Variants in SCUBE2 observed in about 807,000 individuals in gnomAD.
The protein encoded by SCUBE2 is signal peptide, CUB domain and EGF like domain containing 2, also known as signal peptide, CUB and EGF-like domain-containing protein 2.
Under a neutral mutation model 125.9 loss-of-function variants are expected in SCUBE2, and 114 were observed. The ratio of observed to expected loss-of-function variants is 0.91; its 90% CI spans 0.78 to 1.06. The LOEUF (loss-of-function observed/expected upper bound fraction) is 1.06, where lower values mean the gene tolerates loss of function less well. Among genes scored for constraint, SCUBE2 ranks in the 50% least tolerant of loss-of-function variants. SCUBE2 has a pLI of 0.00. For missense variants in SCUBE2, 1,255 were observed against 1,301.8 expected (o/e 0.96, Z 0.55); for synonymous variants, 459 against 492.9 (o/e 0.93, Z 0.91).
At chr11:9,083,163 G>A (rs1861779649) in intron 2 of SCUBE2, among the ~76,000 whole-genome samples, 1 of 151,730 alleles carries the variant, frequency 6.6e-6, no homozygotes, top group African/African-American at 2.4e-5. Flanking sequence ...ACATGTTTAA[G>A]GAATAAGGGA....
chr11:9,030,061 G>C lies in SCUBE2; in HGVS notation c.2342-16C>G, dbSNP rs533889121. 1 of 1,600,726 alleles carries C rather than the reference G, an allele frequency of 6.2e-7. No homozygotes were observed. The highest frequency in any genetic ancestry group is 2.2e-5 in the East Asian group (1 of 44,644). ...GAACATTGAACTGTGGGTCAAGGGAGGGTGAAAAGAATGAAAAAAAGAAAG... is the reference window on the plus strand; with the variant it reads ...GAACATTGAACTGTGGGTCAAGGGACGGTGAAAAGAATGAAAAAAAGAAAG... On this transcript the variant is annotated splice_polypyrimidine_tract_variant and intron_variant, in intron 18 of 22. Coordinates refer to ENST00000649792, the MANE Select transcript of SCUBE2 (RefSeq NM_001367977.2).
In SCUBE2 at chr11:9,047,366, T is replaced by A. The variant is rs927000148; in HGVS notation, c.1992A>T (p.Glu664Asp). 13 of 1,614,054 alleles carry A rather than the reference T, an allele frequency of 8.1e-6. No homozygotes were observed. Among genetic ancestry groups the A allele is most frequent in the Non-Finnish European group, 1.1e-5 (13 of 1,180,042 alleles). ...TCCCAGGCCACTCACCACATTGGTTTTCTGCATGACCCTGGCCCACTCCAC... is the reference window on the plus strand; with the variant it reads ...TCCCAGGCCACTCACCACATTGGTTATCTGCATGACCCTGGCCCACTCCAC... ...ESCGVGQGHA[E>D]NQCVSCRAGT... The change falls in exon 16 of 23, where the codon GAA becomes GAT. Residue 664 changes from glutamate (E) to aspartate (D), a missense_variant. Coordinates refer to ENST00000649792, the MANE Select transcript of SCUBE2 (RefSeq NM_001367977.2).
At chr11:9,056,563 C>G (rs1049167391) in intron 9 of SCUBE2, among the ~76,000 whole-genome samples, 5 of 152,170 alleles carry the variant, frequency 3.3e-5, no homozygotes, top group African/African-American at 1.2e-4. Context: ...TTTTGCTCCT[C>G]CCCTATGTGC....
At chr11:9,070,389 C>A (rs1016337822) in intron 4 of SCUBE2, among the ~76,000 whole-genome samples, 5 of 152,216 alleles carry the variant, frequency 3.3e-5, no homozygotes, top group Non-Finnish European at 5.9e-5. Flanking sequence ...AAAACTAATT[C>A]TTTGAGATCC....
chr11:9,059,458 G>A, intron 8 of SCUBE2, 33 bp from the exon 9 acceptor site: 1 of 1,599,580 alleles, frequency 6.3e-7, no homozygotes, highest in South Asian at 1.1e-5. Context: ...ATATCAGAGA[G>A]CAATACTTGC....
chr11:9,066,637 T>A (rs879504709), intron 6 of SCUBE2, 60 bp downstream of exon 6: 1 of 1,322,926 alleles, frequency 7.6e-7, no homozygotes, highest in Non-Finnish European at 1.1e-6. Flanking sequence ...CATTAAGGGG[T>A]AGGGGTAGGG....
rs946558290 is a variant in SCUBE2 at position 9,074,594 on chromosome 11, T to C, written c.404A>G (p.Asn135Ser). The C allele has an allele frequency of 5.0e-6, 8 of 1,614,088 alleles. No homozygotes were observed. The highest frequency in any genetic ancestry group is 1.3e-5 in the African/African-American group (1 of 74,942). Reference protein sequence around the residue: ...NCLDVDECLENNGGCQHTCVN... With the variant: ...NCLDVDECLESNGGCQHTCVN... ...ACAGGTATGCTGGCAGCCGCCATTG[T>C]TCTCCAGGCACTCGTCCACATCTGG... Residue 135 changes from asparagine to serine, a missense_variant, in exon 4 of 23, where the codon AAC becomes AGC. Asn to Ser is a conservative substitution (Grantham distance 46, BLOSUM62 1). Around this residue, in one of 3 missense-constraint regions of SCUBE2, gnomAD observed 362 missense variants for 323.0 expected, o/e 1.12. Transcript: ENST00000649792.
intron 18 of SCUBE2, chr11:9,030,368 C>T (rs1298053485): frequency 1.9e-5 from 8 of 421,626 alleles, no homozygotes; most frequent in African/African-American, 4.0e-5. Flanking sequence ...AGTTGCAGAA[C>T]TGAGGTTGGG....
intron 18 of SCUBE2, 43 bp from the exon 19 acceptor site, chr11:9,030,088 T>C (rs779625303): frequency 4.1e-5 from 65 of 1,588,392 alleles, no homozygotes; most frequent in Non-Finnish European, 5.4e-5. Context: ...AAAAGAAAGA[T>C]TATTTTTAAT....
At position 9,025,806 on chromosome 11, in the gene SCUBE2, C is replaced by T. The variant is rs754684970; in HGVS notation, c.2750G>A (p.Arg917His). The change falls in exon 21 of 23, where the codon CGC (arginine) becomes CAC (histidine). Residue 917 changes from arginine (R) to histidine (H), a missense_variant. Physicochemically the swap from Arg to His is conservative, Grantham distance 29. Coordinates refer to ENST00000649792, the MANE Select transcript of SCUBE2 (RefSeq NM_001367977.2). ...TTYETCQTYERPIAFTSRSKK... is the reference protein window; with the variant it reads ...TTYETCQTYEHPIAFTSRSKK... ...TGACCTGGAGGTGAAGGCGATGGGG[C>T]GTTCGTAGGTCTGGCAGGTTTCATA... 5.5e-5 allele frequency: 89 copies of T among 1,613,980 alleles called. No individual in the cohort carries two copies. The highest frequency in any genetic ancestry group is 7.1e-5 in the Non-Finnish European group (84 of 1,180,028).
intron 13 of SCUBE2, among the ~76,000 whole-genome samples, 157 bp from the exon 14 acceptor site, chr11:9,050,867 A>T (rs1341093282): frequency 6.6e-6 from 1 of 152,196 alleles, no homozygotes. Flanking sequence ...TGGATCATGG[A>T]GTGCCCATTG....
At chr11:9,089,626 A>G in intron 2 of SCUBE2, 81 bp downstream of exon 2, 3 of 1,505,770 alleles carry the variant, frequency 2.0e-6, no homozygotes, top group South Asian at 2.6e-5. Context: ...CAGTACTTTT[A>G]CCAACATAAG....
chr11:9,053,495 A>G, intron 11 of SCUBE2, 142 bp downstream of exon 11: 1 of 982,824 alleles, frequency 1.0e-6, no homozygotes, highest in Non-Finnish European at 1.5e-6. Flanking sequence ...CCTGTTTTTG[A>G]ACTATTTAAA....
Position 9,074,546 on chromosome 11 carries a change from T to C in SCUBE2, c.452A>G (p.Glu151Gly). 6.2e-7 allele frequency: 1 copy of C among 1,614,174 alleles called. No homozygotes were observed. The highest frequency in any genetic ancestry group is 8.5e-7 in the Non-Finnish European group (1 of 1,180,024). Residue 151 changes from glutamate (E) to glycine (G), a missense_variant, in exon 4 of 23, where the codon GAG becomes GGG. By Grantham distance (98) the Glu-to-Gly change is moderately conservative. Coordinates refer to ENST00000649792, the MANE Select transcript of SCUBE2 (RefSeq NM_001367977.2). ...HTCVNVMGSY[E>G]CCCKEGFFLS... ...GAAAAACCCCTCCTTGCAGCAGCAC[T>C]CATAGCTCCCCATGACGTTGACACA...
intron 16 of SCUBE2, among the ~76,000 whole-genome samples, chr11:9,036,821 A>T (rs1289323979): frequency 6.6e-6 from 1 of 152,218 alleles, no homozygotes; most frequent in Non-Finnish European, 1.5e-5. Flanking sequence ...TGACCTTTAG[A>T]GAGACCTCAC....
chr11:9,089,785 C>T lies in SCUBE2; in HGVS notation c.178G>A (p.Ala60Thr), dbSNP rs746543338. The change falls in exon 2 of 23, where the codon GCC becomes ACC. Residue 60 changes from alanine to threonine, a missense_variant. Transcript: ENST00000649792. The stretch of plus-strand genomic sequence containing the variant: ...GAGGTGGGTGTGTTCTGACACAGGG[C>T]GTCGGCATGGCAGTCATCTAGCCCT... ...AQGLDDCHAD[A>T]LCQNTPTSYK... is the part of the protein sequence containing the mutation. The T allele has an allele frequency of 3.7e-5, 59 of 1,613,836 alleles. No homozygotes were observed. Among genetic ancestry groups the T allele is most frequent in the East Asian group, 6.7e-5 (3 of 44,854 alleles).
chr11:9,089,412 T>C (rs1862415658), intron 2 of SCUBE2, among the ~76,000 whole-genome samples: 1 of 152,216 alleles, frequency 6.6e-6, no homozygotes, highest in Non-Finnish European at 1.5e-5. Context: ...GGATGTTTAC[T>C]TTCTGCCCCA....
chr11:9,055,952 G>T, intron 9 of SCUBE2, 43 bp from the exon 10 acceptor site: 1 of 1,446,086 alleles, frequency 6.9e-7, no homozygotes, highest in Non-Finnish European at 9.7e-7. Context: ...CCCACTCTGA[G>T]GGATGAGTGA....
At chr11:9,061,266 G>A (rs540746784) in intron 7 of SCUBE2, among the ~76,000 whole-genome samples, 2 of 152,092 alleles carry the variant, frequency 1.3e-5, no homozygotes, top group African/African-American at 2.4e-5. Context: ...GGCTGGGGGT[G>A]GGGGGTGGTG....
Sources: gnomAD v4.1 joint callset for allele counts (sites outside exome capture counted in the v4.1 genomes callset) on GRCh38, gnomAD v4.1.1 for gene constraint, gnomAD v4.1.1 regional missense constraint, MANE v1.5 for transcripts, NCBI Gene and HGNC (gene_info 2026-07-23, HGNC 2026-07-21) for gene names.